Variants in CDK5RAP2 observed in about 807,000 individuals in gnomAD.
CDK5RAP2 encodes CDK5 regulatory subunit-associated protein 2.
In CDK5RAP2, 147 loss-of-function variants were observed where a neutral mutation model predicts 232.9. That is an observed-to-expected ratio of 0.63 (90% CI 0.55 to 0.72). The LOEUF is 0.72. Ranked by LOEUF, CDK5RAP2 falls within the 30% of genes least tolerant of loss-of-function variation. The pLI, the probability that CDK5RAP2 is intolerant of heterozygous loss-of-function variation, is 0.00. For missense variants in CDK5RAP2, 2,195 were observed against 2,231.5 expected (o/e 0.98, Z 0.33); for synonymous variants, 833 against 833.7 (o/e 1.00, Z 0.01).
rs577487488 is a variant in CDK5RAP2, at chr9:120,520,907, TA to T, written c.1093-2263del. The stretch of plus-strand genomic sequence containing the variant: ...CATATGAACTGTATCTCATATATCA[TA>T]TATCTCATATGAGCTGTATCTCATA... On this transcript the variant is annotated intron_variant, in intron 11 of 37. Transcript: ENST00000349780. Among the ~76,000 whole-genome samples, 296 of 144,886 alleles carry T rather than the reference TA, an allele frequency of 2.0e-3. 2 individuals are homozygous for T. Among genetic ancestry groups the T allele is most frequent in the African/African-American group, 7.3e-3 (288 of 39,518 alleles).
At position 120,389,074 on chromosome 9, in the gene CDK5RAP2, A is replaced by T. The variant is rs2031665214; in HGVS notation, c.*162T>A. The T allele has an allele frequency of 7.3e-6, 5 of 687,678 alleles. No homozygotes were observed. In the South Asian group the frequency reaches 9.1e-5, roughly 13 times the overall value. 42.6% of individuals were successfully genotyped at this position (687,678 alleles called of 1,614,324 possible). A position where few individuals can be genotyped will look rare whatever the true frequency, so the allele number is the denominator to read the frequency against. On this transcript the variant is annotated 3_prime_UTR_variant, in exon 38 of 38. Transcript: ENST00000349780. Reference sequence around the variant, plus strand: ...GGAGCACCTGCACCTTTCTGACAACAACTCTCAAGCCAACTTTCAGAGAGA... The same window carrying T: ...GGAGCACCTGCACCTTTCTGACAACTACTCTCAAGCCAACTTTCAGAGAGA...
At chr9:120,474,140 G>A (rs771159196) in intron 15 of CDK5RAP2, among the ~76,000 whole-genome samples, 4 of 152,160 alleles carry the variant, frequency 2.6e-5, no homozygotes, top group African/African-American at 7.2e-5. Flanking sequence ...TTTGCTTTGC[G>A]ATTGTGTTGA....
chr9:120,431,005 C>A (rs550555703), intron 25 of CDK5RAP2, among the ~76,000 whole-genome samples: 1 of 152,078 alleles, frequency 6.6e-6, no homozygotes, highest in East Asian at 1.9e-4. Flanking sequence ...AGTAAAGTAT[C>A]ACAAGGACAA....
At chr9:120,500,563 T>C (rs1297398835) in intron 12 of CDK5RAP2, among the ~76,000 whole-genome samples, 1 of 152,288 alleles carries the variant, frequency 6.6e-6, no homozygotes, top group Admixed American at 6.5e-5. Context: ...ATCATGCTTC[T>C]ATATATTTGA....
chr9:120,399,484 T>C (rs1191564963), intron 35 of CDK5RAP2, among the ~76,000 whole-genome samples: 1 of 152,190 alleles, frequency 6.6e-6, no homozygotes, highest in Non-Finnish European at 1.5e-5. Flanking sequence ...TGAAAGGCTA[T>C]GATGAAACAG....
intron 18 of CDK5RAP2, among the ~76,000 whole-genome samples, chr9:120,465,250 G>A (rs943659092): frequency 6.6e-5 from 10 of 152,130 alleles, no homozygotes; most frequent in Non-Finnish European, 1.5e-4. Flanking sequence ...ACAGTTCCTG[G>A]CTTTCTATGC....
chr9:120,534,825 A>T (rs2041313143), intron 7 of CDK5RAP2, among the ~76,000 whole-genome samples: 1 of 152,104 alleles, frequency 6.6e-6, no homozygotes, highest in Non-Finnish European at 1.5e-5. Context: ...ACTGCTCCAG[A>T]CCTGTAGCTC....
chr9:120,545,068 A>G (rs1325329807), intron 5 of CDK5RAP2, among the ~76,000 whole-genome samples: 1 of 152,190 alleles, frequency 6.6e-6, no homozygotes, highest in Admixed American at 6.5e-5. Flanking sequence ...AATGTTTTTT[A>G]AGGAGGAGAA....
intron 13 of CDK5RAP2, 102 bp downstream of exon 13, chr9:120,491,205 A>G: frequency 1.1e-6 from 1 of 900,762 alleles, no homozygotes; most frequent in Admixed American, 2.0e-5. Flanking sequence ...TCTGAAACAT[A>G]GCAATGATTA....
At chr9:120,429,803 T>G (rs1431298970) in intron 25 of CDK5RAP2, among the ~76,000 whole-genome samples, 1 of 152,112 alleles carries the variant, frequency 6.6e-6, no homozygotes, top group East Asian at 1.9e-4. Context: ...CATCGCCAAG[T>G]CAATCCTAAG....
chr9:120,464,324 C>T (rs996015024), intron 18 of CDK5RAP2, among the ~76,000 whole-genome samples: 1 of 152,158 alleles, frequency 6.6e-6, no homozygotes, highest in Non-Finnish European at 1.5e-5. Flanking sequence ...TCTGCATTCA[C>T]TCCATCACAG....
chr9:120,505,214 G>C (rs2039754570), intron 12 of CDK5RAP2, among the ~76,000 whole-genome samples: 1 of 151,846 alleles, frequency 6.6e-6, no homozygotes, highest in Non-Finnish European at 1.5e-5. Flanking sequence ...GTCGCCTTTT[G>C]GTAATTCTTG....
intron 23 of CDK5RAP2, among the ~76,000 whole-genome samples, chr9:120,440,688 C>A (rs1264806845): frequency 2.6e-5 from 4 of 152,216 alleles, no homozygotes; most frequent in Non-Finnish European, 5.9e-5. Flanking sequence ...CTCTCCCTCA[C>A]CAGACTGCAC....
intron 25 of CDK5RAP2, among the ~76,000 whole-genome samples, chr9:120,424,657 G>A (rs1250224366): frequency 2.0e-5 from 3 of 151,772 alleles, no homozygotes; most frequent in African/African-American, 7.2e-5. Flanking sequence ...GTACTAGCCA[G>A]GCAAACAAAG....
At chr9:120,523,290 CG>C (rs762939856) in intron 11 of CDK5RAP2, among the ~76,000 whole-genome samples, 3 of 152,126 alleles carry the variant, frequency 2.0e-5, no homozygotes, top group Non-Finnish European at 4.4e-5. Flanking sequence ...CTTTAAGACC[CG>C]TCATAACAAG....
intron 3 of CDK5RAP2, among the ~76,000 whole-genome samples, chr9:120,551,170 T>G (rs1243597313): frequency 6.6e-6 from 1 of 151,986 alleles, no homozygotes; most frequent in African/African-American, 2.4e-5. Context: ...AACTCCACAC[T>G]GATAATAAGA....
chr9:120,463,443 T>C (rs1025793332), intron 18 of CDK5RAP2, among the ~76,000 whole-genome samples: 3 of 152,186 alleles, frequency 2.0e-5, no homozygotes, highest in African/African-American at 7.2e-5. Context: ...CAGTATTCTC[T>C]GCCTCTCTCC....
chr9:120,566,925 T>C (rs1191915586), intron 3 of CDK5RAP2, among the ~76,000 whole-genome samples: 2 of 152,234 alleles, frequency 1.3e-5, no homozygotes, highest in Non-Finnish European at 2.9e-5. Context: ...AATTCTAATA[T>C]TCTGTGAAAT....
At chr9:120,460,458 T>C in intron 19 of CDK5RAP2, 114 bp downstream of exon 19, 1 of 949,630 alleles carries the variant, frequency 1.1e-6, no homozygotes, top group Non-Finnish European at 1.7e-6. Flanking sequence ...ACATGAAAGG[T>C]ACAGGATATA....
Sources: gnomAD v4.1 joint callset for allele counts (sites outside exome capture counted in the v4.1 genomes callset) on GRCh38, gnomAD v4.1.1 for gene constraint, MANE v1.5 for transcripts, NCBI Gene and HGNC (gene_info 2026-07-23, HGNC 2026-07-21) for gene names.